Variants in PLOD2 observed in about 807,000 individuals in gnomAD.
The protein encoded by PLOD2 is lysine hydroxylase 2.
A neutral mutation model predicts 101.0 loss-of-function variants in PLOD2; 65 were observed. The observed-to-expected ratio is 0.64, with a 90% confidence interval of 0.53 to 0.79. The LOEUF is 0.79. Among genes scored for constraint, PLOD2 ranks in the 30% least tolerant of loss-of-function variants. The probability of loss-of-function intolerance (pLI) is 0.00; values close to 1 mark genes in which losing one functional copy is unlikely to be tolerated. For missense variants in PLOD2, 909 were observed against 914.6 expected (o/e 0.99, Z 0.08); for synonymous variants, 314 against 302.9 (o/e 1.04, Z -0.38).
chr3:146,095,578 G>A (rs1937120935), intron 7 of PLOD2, among the ~76,000 whole-genome samples: 1 of 152,140 alleles, frequency 6.6e-6, no homozygotes, highest in Non-Finnish European at 1.5e-5. Context: ...TGAGGATACG[G>A]AGAAATAGGA....
At chr3:146,097,751 C>T (rs1937252685) in intron 7 of PLOD2, among the ~76,000 whole-genome samples, 1 of 133,328 alleles carries the variant, frequency 7.5e-6, no homozygotes, top group South Asian at 2.5e-4. Context: ...TGTCCTATGA[C>T]CCTGCCAAAT....
At chr3:146,103,535 T>C (rs1396892186) in intron 6 of PLOD2, among the ~76,000 whole-genome samples, 2 of 151,614 alleles carry the variant, frequency 1.3e-5, no homozygotes, top group Non-Finnish European at 2.9e-5. Context: ...TCACAGGTCA[T>C]TGCAGCCTCG....
chr3:146,090,076 A>G (rs1349748276), intron 8 of PLOD2, among the ~76,000 whole-genome samples: 1 of 151,338 alleles, frequency 6.6e-6, no homozygotes, highest in African/African-American at 2.4e-5. Context: ...TTGTGTATGT[A>G]TATTAAATTT....
chr3:146,152,141 A>T (rs1250046629), intron 1 of PLOD2, among the ~76,000 whole-genome samples: 3 of 152,226 alleles, frequency 2.0e-5, no homozygotes, highest in Non-Finnish European at 4.4e-5. Flanking sequence ...CCTATTGGCC[A>T]GGTGCAGTGG....
At chr3:146,082,649 T>C (rs1576578125) in intron 11 of PLOD2, among the ~76,000 whole-genome samples, 1 of 152,092 alleles carries the variant, frequency 6.6e-6, no homozygotes, top group East Asian at 1.9e-4. Flanking sequence ...TCCCAGCACT[T>C]TGGGAAGCCG....
intron 10 of PLOD2, 31 bp downstream of exon 10, chr3:146,086,756 T>C: frequency 7.5e-7 from 1 of 1,324,964 alleles, no homozygotes; most frequent in South Asian, 1.5e-5. Flanking sequence ...AGTAAAATAA[T>C]TTAATTTAAT....
At chr3:146,117,597 G>A (rs1937970629) in intron 3 of PLOD2, among the ~76,000 whole-genome samples, 1 of 152,044 alleles carries the variant, frequency 6.6e-6, no homozygotes, top group Admixed American at 6.6e-5. Flanking sequence ...AGTCATGGTA[G>A]GTAATGATGC....
intron 3 of PLOD2, among the ~76,000 whole-genome samples, chr3:146,115,921 C>T (rs1397342778): frequency 6.6e-6 from 1 of 152,160 alleles, no homozygotes; most frequent in Non-Finnish European, 1.5e-5. Flanking sequence ...TTTACAAAAA[C>T]AGGCAGTGGT....
At chr3:146,075,762 T>C (rs1936310006) in intron 15 of PLOD2, among the ~76,000 whole-genome samples, 2 of 151,680 alleles carry the variant, frequency 1.3e-5, no homozygotes, top group African/African-American at 4.8e-5. Context: ...GATGGTGCTT[T>C]TGAATACACA....
rs766155244 is a variant in PLOD2, at chr3:146,160,881, C to T, written c.109G>A (p.Asp37Asn). Residue 37 changes from aspartate to asparagine, a missense_variant and splice_region_variant, in exon 1 of 20, where the codon GAT becomes AAT. Transcript: ENST00000282903. ...CAGCGGCGGACCGCGGGGTGCTCAC[C>T]TGTGGGGATGCTCGAGGGCTTCTCC... ...DSEKPSSIPTDKLLVITVATK... is the reference protein window; with the variant it reads ...DSEKPSSIPTNKLLVITVATK... 6.4e-7 allele frequency: 1 copy of T among 1,559,584 alleles called. No homozygotes were observed. Among genetic ancestry groups the T allele is most frequent in the Non-Finnish European group, 8.7e-7 (1 of 1,147,690 alleles).
chr3:146,085,072 C>T (rs942594992), intron 11 of PLOD2, 97 bp downstream of exon 11: 1 of 651,018 alleles, frequency 1.5e-6, no homozygotes, highest in Non-Finnish European at 2.8e-6. Context: ...AACTAAGTTC[C>T]CTCAATTTAC....
intron 1 of PLOD2, among the ~76,000 whole-genome samples, chr3:146,159,811 T>C (rs914103884): frequency 6.6e-6 from 1 of 152,196 alleles, no homozygotes; most frequent in Admixed American, 6.5e-5. Flanking sequence ...GCAAGCACTG[T>C]TTTGTAGAAA....
At chr3:146,121,688 G>A (rs927991894) in intron 2 of PLOD2, among the ~76,000 whole-genome samples, 2 of 151,814 alleles carry the variant, frequency 1.3e-5, no homozygotes, top group African/African-American at 4.8e-5. Context: ...AACCAAAATG[G>A]GTTTTTCAGG....
intron 9 of PLOD2, among the ~76,000 whole-genome samples, 184 bp downstream of exon 9, chr3:146,088,402 C>T (rs1050259211): frequency 1.3e-5 from 2 of 151,626 alleles, no homozygotes; most frequent in African/African-American, 4.8e-5. Flanking sequence ...TGGCTCATAT[C>T]AATATTGTGG....
chr3:146,139,760 T>C (rs1260747636), intron 1 of PLOD2, among the ~76,000 whole-genome samples: 2 of 152,120 alleles, frequency 1.3e-5, no homozygotes, highest in Non-Finnish European at 2.9e-5. Flanking sequence ...TTTAAGTCAT[T>C]AGCAAGAAAT....
At chr3:146,072,522 C>T (rs773227709) in intron 17 of PLOD2, 39 bp downstream of exon 17, 4 of 1,207,136 alleles carry the variant, frequency 3.3e-6, no homozygotes, top group Non-Finnish European at 4.9e-6. Context: ...ACTTAACCCC[C>T]ACATACATTT....
At chr3:146,131,000 G>C (rs142884566) in intron 1 of PLOD2, among the ~76,000 whole-genome samples, 1 of 152,082 alleles carries the variant, frequency 6.6e-6, no homozygotes, top group Non-Finnish European at 1.5e-5. Flanking sequence ...CAAACAATGC[G>C]GTTTATGCTG....
intron 15 of PLOD2, among the ~76,000 whole-genome samples, chr3:146,075,684 T>TA (rs1212650000): frequency 6.6e-6 from 1 of 151,630 alleles, no homozygotes; most frequent in East Asian, 1.9e-4. Context: ...AATTTTCTTC[T>TA]AAAAAATCAA....
intron 3 of PLOD2, among the ~76,000 whole-genome samples, chr3:146,112,434 T>C (rs113397038): frequency 2.6e-5 from 4 of 151,316 alleles, no homozygotes; most frequent in African/African-American, 7.3e-5. Flanking sequence ...CACTCATAAG[T>C]GGGAGCTGAA....
Sources: gnomAD v4.1 joint callset for allele counts (sites outside exome capture counted in the v4.1 genomes callset) on GRCh38, gnomAD v4.1.1 for gene constraint, MANE v1.5 for transcripts, NCBI Gene and HGNC (gene_info 2026-07-23, HGNC 2026-07-21) for gene names.